THSD7A: variants seen among roughly 807,000 people sequenced by gnomAD.
THSD7A encodes thrombospondin type-1 domain-containing protein 7A.
A neutral mutation model predicts 231.3 loss-of-function variants in THSD7A; 96 were observed. The observed-to-expected ratio is 0.41, with a 90% CI of 0.35 to 0.49. The LOEUF (loss-of-function observed/expected upper bound fraction) is 0.49, where lower values mean the gene tolerates loss of function less well. THSD7A is among the 20% of genes least tolerant of loss of function. THSD7A has a pLI of 0.05. For missense variants in THSD7A, 2,290 were observed against 2,070.2 expected (o/e 1.11, Z -2.06); for synonymous variants, 940 against 743.3 (o/e 1.26, Z -4.30).
chr7:11,546,429 G>C (rs1789403486), intron 4 of THSD7A, among the ~76,000 whole-genome samples: 1 of 152,142 alleles, frequency 6.6e-6, no homozygotes, highest in Non-Finnish European at 1.5e-5. Flanking sequence ...CCATAGGCCT[G>C]GTCCCAGGTC....
chr7:11,614,304 G>A (rs1339851107), intron 2 of THSD7A, among the ~76,000 whole-genome samples: 1 of 152,118 alleles, frequency 6.6e-6, no homozygotes, highest in Non-Finnish European at 1.5e-5. Flanking sequence ...AATACTTCCC[G>A]TAACTTGAAA....
chr7:11,472,551 C>T (rs1329784456), intron 8 of THSD7A, among the ~76,000 whole-genome samples: 1 of 152,050 alleles, frequency 6.6e-6, no homozygotes, highest in Non-Finnish European at 1.5e-5. Context: ...TTTGATTTAA[C>T]AAGTCTATAG....
At chr7:11,614,498 T>C (rs1781040713) in intron 2 of THSD7A, among the ~76,000 whole-genome samples, 1 of 152,152 alleles carries the variant, frequency 6.6e-6, no homozygotes, top group Non-Finnish European at 1.5e-5. Flanking sequence ...CTGCTGTAGC[T>C]GGTGTTAGGA....
At chr7:11,419,679 A>G (rs1004959116) in intron 16 of THSD7A, among the ~76,000 whole-genome samples, 6 of 152,248 alleles carry the variant, frequency 3.9e-5, no homozygotes, top group African/African-American at 1.4e-4. Flanking sequence ...AGGTTGGAAC[A>G]GTTTGGAGGG....
intron 4 of THSD7A, among the ~76,000 whole-genome samples, chr7:11,549,198 T>A (rs564729907): frequency 2.6e-5 from 4 of 152,244 alleles, no homozygotes; most frequent in African/African-American, 9.6e-5. Flanking sequence ...TGAGATATCA[T>A]CTCATGTCAG....
intron 4 of THSD7A, among the ~76,000 whole-genome samples, chr7:11,578,315 C>A (rs576177034): frequency 1.3e-5 from 2 of 152,082 alleles, no homozygotes; most frequent in East Asian, 3.9e-4. Context: ...TCTCATTAAG[C>A]CTTTAAAAAG....
intron 1 of THSD7A, among the ~76,000 whole-genome samples, chr7:11,668,938 T>C (rs1783265387): frequency 1.3e-5 from 2 of 152,172 alleles, no homozygotes; most frequent in African/African-American, 4.8e-5. Context: ...AGACTATCAG[T>C]TTCAAAACAG....
intron 11 of THSD7A, among the ~76,000 whole-genome samples, chr7:11,459,859 C>T (rs1313707901): frequency 6.6e-6 from 1 of 151,556 alleles, no homozygotes; most frequent in Non-Finnish European, 1.5e-5. Context: ...GAGCAAAATA[C>T]GTTTTTTATA....
intron 6 of THSD7A, among the ~76,000 whole-genome samples, chr7:11,536,321 G>C (rs1032287368): frequency 5.9e-5 from 9 of 152,124 alleles, no homozygotes; most frequent in Admixed American, 5.9e-4. Context: ...TTTTGTAATG[G>C]GTAGTGTTGC....
intron 1 of THSD7A, among the ~76,000 whole-genome samples, chr7:11,743,251 G>C (rs1450416873): frequency 6.6e-6 from 1 of 151,784 alleles, no homozygotes; most frequent in Non-Finnish European, 1.5e-5. Flanking sequence ...ATAATAAATA[G>C]TTGAGGTCCT....
At chr7:11,770,533 C>T (rs760834603) in intron 1 of THSD7A, among the ~76,000 whole-genome samples, 1 of 152,118 alleles carries the variant, frequency 6.6e-6, no homozygotes, top group Non-Finnish European at 1.5e-5. Flanking sequence ...ATGTTATCAA[C>T]TGGAAACTGA....
intron 4 of THSD7A, among the ~76,000 whole-genome samples, chr7:11,565,951 G>A (rs900088907): frequency 6.6e-6 from 1 of 152,110 alleles, no homozygotes; most frequent in African/African-American, 2.4e-5. Flanking sequence ...GGAGTTTTCA[G>A]TACTTCTGGG....
At chr7:11,593,155 G>T in intron 3 of THSD7A, 99 bp downstream of exon 3, 1 of 1,437,606 alleles carries the variant, frequency 7.0e-7, no homozygotes, top group South Asian at 1.4e-5. Flanking sequence ...TATTTTTTAT[G>T]TGTAAAAATT....
intron 9 of THSD7A, among the ~76,000 whole-genome samples, chr7:11,462,618 A>T (rs1291743903): frequency 6.6e-6 from 1 of 152,178 alleles, no homozygotes; most frequent in Non-Finnish European, 1.5e-5. Context: ...ATTTAATTTG[A>T]AATGCATAAC....
intron 1 of THSD7A, among the ~76,000 whole-genome samples, chr7:11,701,978 A>G (rs968636025): frequency 1.3e-5 from 2 of 150,996 alleles, no homozygotes; most frequent in Non-Finnish European, 3.0e-5. Flanking sequence ...AATTGGGTGT[A>G]CCTTGTTGCC....
chr7:11,469,816 A>T, intron 9 of THSD7A, 63 bp downstream of exon 9: 1 of 1,096,994 alleles, frequency 9.1e-7, no homozygotes. Flanking sequence ...AGGCCAGAAG[A>T]CCTCAGAAGT....
At chr7:11,673,430 T>A (rs1783487030) in intron 1 of THSD7A, among the ~76,000 whole-genome samples, 1 of 152,156 alleles carries the variant, frequency 6.6e-6, no homozygotes, top group East Asian at 1.9e-4. Flanking sequence ...AGGCTCTCCA[T>A]CTTGCACAGA....
chr7:11,437,412 C>T (rs751335705), intron 13 of THSD7A, among the ~76,000 whole-genome samples: 2 of 152,054 alleles, frequency 1.3e-5, no homozygotes, highest in Non-Finnish European at 2.9e-5. Context: ...CTTAGATGCT[C>T]TTTCCTTCTT....
chr7:11,636,042 C>T lies in THSD7A; in HGVS notation c.1022+88G>A, dbSNP rs945182258. On this transcript the variant is annotated intron_variant, in intron 2 of 27. Transcript: ENST00000423059. This position sits in a 1 kb window ranked among gnomAD's most constrained non-coding sequence, Gnocchi z 10.0. ...TCCTAGGTTGTGCCCCTACGTAATCCAGAAGTTATTAGATAGTACCGGATA... is the reference window on the plus strand; with the variant it reads ...TCCTAGGTTGTGCCCCTACGTAATCTAGAAGTTATTAGATAGTACCGGATA... 4 of 1,286,798 alleles carry T rather than the reference C, an allele frequency of 3.1e-6. No homozygotes were observed. Among genetic ancestry groups the T allele is most frequent in the Non-Finnish European group, 4.3e-6 (4 of 930,244 alleles). 79.7% of individuals were successfully genotyped at this position (1,286,798 alleles called of 1,614,324 possible). A position where few individuals can be genotyped will look rare whatever the true frequency, so the allele number is the denominator to read the frequency against.
Sources: gnomAD v4.1 joint callset for allele counts (sites outside exome capture counted in the v4.1 genomes callset) on GRCh38, gnomAD v4.1.1 for gene constraint, Gnocchi (gnomAD v3.1) non-coding constraint, MANE v1.5 for transcripts, NCBI Gene and HGNC (gene_info 2026-07-23, HGNC 2026-07-21) for gene names.